ZC3H7B: variants seen among roughly 807,000 people sequenced by gnomAD.
ZC3H7B encodes the protein zinc finger CCCH-type containing 7B.
Under a neutral mutation model 116.0 loss-of-function variants are expected in ZC3H7B, and 35 were observed. The ratio of observed to expected loss-of-function variants is 0.30; its 90% CI spans 0.23 to 0.40. The LOEUF (loss-of-function observed/expected upper bound fraction) is 0.40, where lower values mean the gene tolerates loss of function less well. Among genes scored for constraint, ZC3H7B ranks in the 10% least tolerant of loss-of-function variants. The pLI is 1.00. For missense variants in ZC3H7B, 1,011 were observed against 1,321.5 expected (o/e 0.77, Z 3.64); for synonymous variants, 502 against 545.6 (o/e 0.92, Z 1.11).
In ZC3H7B at chr22:41,357,402, T is replaced by A; in HGVS notation, c.2907T>A (p.Ala969=). The change falls in exon 23 of 23, where the codon GCT becomes GCA. Residue 969 remains alanine (A), a synonymous_variant. Coordinates refer to ENST00000352645, the MANE Select transcript of ZC3H7B (RefSeq NM_017590.6). The surrounding 1 kb of genome is among the most constrained non-coding windows in gnomAD (Gnocchi z 5.4). ...LAGATPEAPA[A]AATATTGE ...GTGCCACCCCAGAAGCCCCTGCTGC[T>A]GCTGCCACCGCCACCACTGGGGAGT... The A allele has an allele frequency of 6.2e-7, 1 of 1,606,944 alleles. No individual in the cohort carries two copies. Among genetic ancestry groups the A allele is most frequent in the Non-Finnish European group, 8.5e-7 (1 of 1,176,378 alleles).
chr22:41,303,145 A>G (rs2035995553), intron 1 of ZC3H7B, among the ~76,000 whole-genome samples: 1 of 152,042 alleles, frequency 6.6e-6, no homozygotes, highest in Non-Finnish European at 1.5e-5. Flanking sequence ...CCCCGTGTCC[A>G]CCTCCCACAG....
chr22:41,340,131 T>C lies in ZC3H7B; in HGVS notation c.1132T>C (p.Phe378Leu). The part of the protein sequence containing the change: ...TRGSLDKPDS[F>L]MEETNSQDHR... ...AGGCTCCCTGGACAAACCTGACTCC[T>C]TCATGGGTAAGGCCATGGGTGGGCC... Residue 378 changes from phenylalanine (F) to leucine (L), a missense_variant, in exon 10 of 23, where the codon TTC becomes CTC. Around this residue, in one of 5 missense-constraint regions of ZC3H7B, gnomAD observed 99 missense variants for 89.5 expected, o/e 1.11. Coordinates refer to ENST00000352645, the MANE Select transcript of ZC3H7B (RefSeq NM_017590.6). The C allele has an allele frequency of 6.2e-7, 1 of 1,602,070 alleles. No individual in the cohort carries two copies. Among genetic ancestry groups the C allele is most frequent in the Non-Finnish European group, 8.5e-7 (1 of 1,173,550 alleles).
chr22:41,333,455 A>G (rs2036407272), intron 7 of ZC3H7B: 1 of 152,134 alleles, frequency 6.6e-6, no homozygotes, highest in African/African-American at 2.4e-5. Flanking sequence ...ATGAAACCCC[A>G]TCCCTGCCAA....
At chr22:41,347,019 C>G (rs908477279) in intron 14 of ZC3H7B, among the ~76,000 whole-genome samples, 44 of 151,190 alleles carry the variant, frequency 2.9e-4, no homozygotes, top group African/African-American at 1.0e-3. Flanking sequence ...TGCTGGCAGG[C>G]AGATATCCCC....
In ZC3H7B at chr22:41,302,198, G is replaced by A. The variant is rs576953748; in HGVS notation, c.-7+426G>A. ...GGGGGTCTCGGGGGCTGGCAGGGGC[G>A]TCGCTGGCAGGGCCCCCCTTCCTTT... On this transcript the variant is annotated intron_variant, in intron 1 of 22. Transcript: ENST00000352645. This position sits in a 1 kb window ranked among gnomAD's most constrained non-coding sequence, Gnocchi z 5.7. Among the ~76,000 whole-genome samples, 131 of 152,068 alleles carry A rather than the reference G, an allele frequency of 8.6e-4. No homozygotes were observed. Among genetic ancestry groups the A allele is most frequent in the African/African-American group, 3.0e-3 (126 of 41,506 alleles).
chr22:41,332,230 A>G lies in ZC3H7B; in HGVS notation c.582+3A>G. 2 of 1,614,172 alleles carry G rather than the reference A, an allele frequency of 1.2e-6. No individual in the cohort carries two copies. The highest frequency in any genetic ancestry group is 1.7e-6 in the Non-Finnish European group (2 of 1,180,012). On this transcript the variant is annotated splice_donor_region_variant and intron_variant, in intron 7 of 22. Coordinates refer to ENST00000352645, the MANE Select transcript of ZC3H7B (RefSeq NM_017590.6). ...CTGCGGCTGGCGTGGCAGATCAGGTAGGATCGGGGCTGAACCAACCTGTCT... is the reference window on the plus strand; with the variant it reads ...CTGCGGCTGGCGTGGCAGATCAGGTGGGATCGGGGCTGAACCAACCTGTCT...
At chr22:41,303,399 G>A (rs1714747401) in intron 1 of ZC3H7B, among the ~76,000 whole-genome samples, 1 of 152,174 alleles carries the variant, frequency 6.6e-6, no homozygotes, top group South Asian at 2.1e-4. Context: ...TTATTGTGGG[G>A]CTTAGAAGCT....
chr22:41,338,907 G>A lies in ZC3H7B; in HGVS notation c.626-94G>A. The A allele has an allele frequency of 1.5e-6, 2 of 1,306,788 alleles. No individual in the cohort carries two copies. The highest frequency in any genetic ancestry group is 2.1e-6 in the Non-Finnish European group (2 of 972,340). 80.9% of individuals were successfully genotyped at this position (1,306,788 alleles called of 1,614,324 possible). A position where few individuals can be genotyped will look rare whatever the true frequency, so the allele number is the denominator to read the frequency against. ...TCCTGGCAAGAGCTGAAAGAAGAAG[G>A]GAAAGTGTTGGATGAGCATCACGGG... On this transcript the variant is annotated intron_variant, in intron 8 of 22. Coordinates refer to ENST00000352645, the MANE Select transcript of ZC3H7B (RefSeq NM_017590.6). The surrounding 1 kb of genome is among the most constrained non-coding windows in gnomAD (Gnocchi z 4.5).
chr22:41,339,269 AG>A, intron 9 of ZC3H7B, 78 bp downstream of exon 9: 1 of 1,496,290 alleles, frequency 6.7e-7, no homozygotes, highest in East Asian at 2.3e-5. Context: ...GGTGGAGGGA[AG>A]GCCCCAATGC....
intron 13 of ZC3H7B, among the ~76,000 whole-genome samples, chr22:41,345,356 G>T (rs544698809): frequency 4.2e-4 from 64 of 152,090 alleles, no homozygotes; most frequent in African/African-American, 1.4e-3. Flanking sequence ...GAGGCCGAGG[G>T]GGGTGGATCA....
intron 2 of ZC3H7B, 76 bp from the exon 3 acceptor site, chr22:41,325,488 G>C: frequency 2.6e-6 from 4 of 1,554,278 alleles, no homozygotes; most frequent in Non-Finnish European, 3.5e-6. Context: ...GGTCTGAGTT[G>C]GAGGAGTAGC....
chr22:41,354,731 T>A (rs2036691356), intron 17 of ZC3H7B, among the ~76,000 whole-genome samples: 1 of 152,150 alleles, frequency 6.6e-6, no homozygotes, highest in South Asian at 2.1e-4. Flanking sequence ...TTTTCCTACC[T>A]CTGGCCCCCA....
intron 10 of ZC3H7B, 116 bp downstream of exon 10, chr22:41,340,253 T>G: frequency 8.9e-7 from 1 of 1,126,484 alleles, no homozygotes; most frequent in Non-Finnish European, 1.2e-6. Context: ...CATCACTCCT[T>G]AGCAATCCCA....
rs114348973 is a variant in ZC3H7B at position 41,311,456 on chromosome 22, A to G, written c.-6-9199A>G. Among the ~76,000 whole-genome samples the G allele has an allele frequency of 3.4e-3, 520 of 152,224 alleles. 4 individuals are homozygous for G. The highest frequency in any genetic ancestry group is 0.012 in the African/African-American group (499 of 41,544). Reference sequence around the variant, plus strand: ...CACCCAATCCAGCTGAGATGGCACCAAAGAGGACTTTGGACACAGAGGCAT... The same window carrying G: ...CACCCAATCCAGCTGAGATGGCACCGAAGAGGACTTTGGACACAGAGGCAT... On this transcript the variant is annotated intron_variant, in intron 1 of 22. Coordinates refer to ENST00000352645, the MANE Select transcript of ZC3H7B (RefSeq NM_017590.6).
In ZC3H7B at chr22:41,351,618, C is replaced by G; in HGVS notation, c.2006C>G (p.Ala669Gly). Residue 669 changes from alanine (A) to glycine (G), a missense_variant, in exon 17 of 23, where the codon GCG becomes GGG. By Grantham distance (60) the Ala-to-Gly change is moderately conservative. This residue lies in a region of ZC3H7B where 406 missense variants were observed against 590.2 expected (regional missense o/e 0.69). Coordinates refer to ENST00000352645, the MANE Select transcript of ZC3H7B (RefSeq NM_017590.6). This position sits in a 1 kb window ranked among gnomAD's most constrained non-coding sequence, Gnocchi z 5.1. ...AAGAAGTACTGGCAGCAGATGGAGG[C>G]GCATGCGGGGAAGGCCAGCAGCAGC... The part of the protein sequence containing the change: ...ESKKYWQQME[A>G]HAGKASSSMG... The G allele has an allele frequency of 1.9e-6, 3 of 1,613,884 alleles. No individual in the cohort carries two copies. The highest frequency in any genetic ancestry group is 2.5e-6 in the Non-Finnish European group (3 of 1,179,944).
chr22:41,317,118 G>A (rs575204556), intron 1 of ZC3H7B, among the ~76,000 whole-genome samples: 2 of 152,080 alleles, frequency 1.3e-5, no homozygotes, highest in African/African-American at 4.8e-5. Context: ...GATTACAGGC[G>A]TGAGCCACCG....
At chr22:41,317,771 G>A (rs1335388118) in intron 1 of ZC3H7B, among the ~76,000 whole-genome samples, 1 of 152,030 alleles carries the variant, frequency 6.6e-6, no homozygotes, top group East Asian at 1.9e-4. Flanking sequence ...GCAACAGAGC[G>A]AGACCCTATC....
At chr22:41,309,160 C>T (rs1277329853) in intron 1 of ZC3H7B, among the ~76,000 whole-genome samples, 12 of 151,644 alleles carry the variant, frequency 7.9e-5, no homozygotes, top group Non-Finnish European at 1.3e-4. Flanking sequence ...TACAGGCGTG[C>T]GCCACCATGC....
chr22:41,314,041 T>C (rs894060878), intron 1 of ZC3H7B, among the ~76,000 whole-genome samples: 1 of 150,574 alleles, frequency 6.6e-6, no homozygotes, highest in African/African-American at 2.4e-5. Context: ...AGGCGTCAGC[T>C]ACCGCGCCTG....
Sources: allele counts gnomAD v4.1 joint callset (sites outside exome capture counted in the v4.1 genomes callset), GRCh38; gene constraint gnomAD v4.1.1; regional missense constraint gnomAD v4.1.1; non-coding constraint Gnocchi (gnomAD v3.1); transcripts MANE v1.5; gene names NCBI Gene and HGNC (gene_info 2026-07-23, HGNC 2026-07-21).